NBPF9: variants seen among roughly 807,000 people sequenced by gnomAD.
NBPF9 encodes the protein NBPF member 9.
Under a neutral mutation model 97.8 loss-of-function variants are expected in NBPF9, and 91 were observed. The observed-to-expected ratio is 0.93, with a 90% CI of 0.79 to 1.11. The LOEUF (loss-of-function observed/expected upper bound fraction) is 1.11, where lower values mean the gene tolerates loss of function less well. Ranked by LOEUF, NBPF9 falls within the 50% of genes least tolerant of loss-of-function variation. The probability of loss-of-function intolerance (pLI) is 0.00; values close to 1 mark genes in which losing one functional copy is unlikely to be tolerated. For missense variants in NBPF9, 992 were observed against 939.5 expected, an observed-to-expected ratio of 1.06 and a Z score of -0.73; for synonymous variants, 334 against 359.5, an observed-to-expected ratio of 0.93 and a Z score of 0.80.
At chr1:149,077,684 T>C (rs1439121714) in intron 10 of NBPF9, among the ~76,000 whole-genome samples, 199 bp downstream of exon 10, 3 of 152,100 alleles carry the variant, frequency 2.0e-5, no homozygotes, top group East Asian at 1.9e-4. Flanking sequence ...GCTATCCCTG[T>C]ATGGTACAGA....
chr1:149,087,781 T>G, intron 5 of NBPF9, among the ~76,000 whole-genome samples: 1 of 151,464 alleles, frequency 6.6e-6, no homozygotes, highest in African/African-American at 2.4e-5. Context: ...AAAGCAATTT[T>G]TTGTAGTTTT....
chr1:149,060,401 C>A, intron 24 of NBPF9, 122 bp downstream of exon 24: 1 of 402,874 alleles, frequency 2.5e-6, no homozygotes, highest in Non-Finnish European at 4.5e-6. Context: ...CCTACATGTG[C>A]CTATAGGTCC....
chr1:149,060,938 C>T lies in NBPF9; in HGVS notation c.2304-243G>A, dbSNP rs1223650867. On this transcript the variant is annotated intron_variant, in intron 23 of 29. Transcript: ENST00000584027. ...ACACACACACACAAACACACACACA[C>T]AGAGAACGAGCTCAGTGAATTGTCC... 1.1e-4 allele frequency: 44 copies of T among 412,368 alleles called. 12 individuals are homozygous for T. The highest frequency in any genetic ancestry group is 1.8e-4 in the Non-Finnish European group (41 of 234,214). 25.5% of individuals were successfully genotyped at this position (412,368 alleles called of 1,614,324 possible).
At position 149,081,997 on chromosome 1, in the gene NBPF9, G is replaced by T. The variant is rs782294304; in HGVS notation, c.143C>A (p.Ala48Asp). The change falls in exon 7 of 30, where the codon GCC becomes GAC. Residue 48 changes from alanine to aspartate, a missense_variant. Coordinates refer to ENST00000584027, the Ensembl canonical transcript of NBPF9. Reference sequence around the variant, plus strand: ...CTTCTGTCGGTTGGCCAGGAAGCCGGCCAGTTGAGTTAGAAAACATCTCTC... The same window carrying T: ...CTTCTGTCGGTTGGCCAGGAAGCCGTCCAGTTGAGTTAGAAAACATCTCTC... The T allele has an allele frequency of 4.4e-6, 7 of 1,605,786 alleles. No homozygotes were observed. The Admixed American group carries it at 1.0e-4, about 23-fold the overall frequency.
In NBPF9 at chr1:149,062,091, A is replaced by G; in HGVS notation, c.2251+2T>C. ...TTATCACCTTCATAGTAAGGTACTC[A>G]CTGTCCAAGTCAAGAGCCAAGCCAA... On this transcript the variant is annotated splice_donor_variant, in intron 22 of 29. Coordinates refer to ENST00000584027, the Ensembl canonical transcript of NBPF9. LOFTEE classifies it high-confidence loss of function. 1 of 1,134,150 alleles carries G rather than the reference A, an allele frequency of 8.8e-7. No homozygotes were observed. The highest frequency in any genetic ancestry group is 1.3e-6 in the Non-Finnish European group (1 of 759,860). 70.3% of individuals were successfully genotyped at this position (1,134,150 alleles called of 1,614,324 possible).
intron 9 of NBPF9, 142 bp downstream of exon 9, chr1:149,078,865 C>A: frequency 1.4e-6 from 2 of 1,459,308 alleles, no homozygotes; most frequent in Non-Finnish European, 1.9e-6. Context: ...TGTTCTTACC[C>A]AGGAAGTCCT....
intron 19 of NBPF9, among the ~76,000 whole-genome samples, 199 bp from the exon 20 acceptor site, chr1:149,064,004 AC>A (rs2078837533): frequency 9.1e-6 from 1 of 110,338 alleles, no homozygotes; most frequent in African/African-American, 4.0e-5. Context: ...ACACACACAC[AC>A]ACACAGACAC....
exon 1 of NBPF9, chr1:149,103,333 C>G (rs1359078154): frequency 1.3e-5 from 2 of 152,034 alleles, no homozygotes; most frequent in African/African-American, 4.8e-5. Context: ...CGCTGTAAAC[C>G]GTAACTTCCC....
At chr1:149,052,710 C>A (rs1277945051), downstream of NBPF9, among the ~76,000 whole-genome samples, 175 of 149,170 alleles carry the variant, frequency 1.2e-3, no homozygotes, top group African/African-American at 3.9e-3. Flanking sequence ...CAAGTTCAGC[C>A]ATGAGATTGG....
chr1:149,059,484 T>A, intron 25 of NBPF9: 1 of 397,778 alleles, frequency 2.5e-6, no homozygotes, highest in East Asian at 3.8e-5. Context: ...AAAGTACAGC[T>A]TTTGAAGTAT....
intron 8 of NBPF9, 109 bp from the exon 9 acceptor site, chr1:149,079,330 G>C: frequency 8.5e-7 from 1 of 1,183,024 alleles, no homozygotes; most frequent in Non-Finnish European, 1.3e-6. Flanking sequence ...CCTTGAAACA[G>C]AAGGTCAGCA....
At chr1:149,098,049 G>A (rs587605888) in intron 4 of NBPF9, among the ~76,000 whole-genome samples, 1 of 151,956 alleles carries the variant, frequency 6.6e-6, no homozygotes, top group South Asian at 2.1e-4. Flanking sequence ...CAGGGAGGGG[G>A]TGAGCCATGA....
chr1:149,088,820 G>C lies in NBPF9; in HGVS notation c.-195+1933C>G, dbSNP rs1375612277. On this transcript the variant is annotated intron_variant, in intron 5 of 29. Transcript: ENST00000584027. ...GATCACACTTGTGGCAGCATTGAAG[G>C]CTTCACTCTTCCCCAAGGGATCCAA... Among the ~76,000 whole-genome samples the C allele has an allele frequency of 2.0e-5, 3 of 152,032 alleles. No individual in the cohort carries two copies. The East Asian group carries it at 5.8e-4, about 29-fold the overall frequency.
In NBPF9 at chr1:149,055,910, A is replaced by G. The variant is rs782375825; in HGVS notation, c.3093-11T>C. The G allele has an allele frequency of 1.2e-6, 2 of 1,611,824 alleles. No homozygotes were observed. The highest frequency in any genetic ancestry group is 2.2e-5 in the East Asian group (1 of 44,796). On this transcript the variant is annotated splice_polypyrimidine_tract_variant and intron_variant, in intron 29 of 29. Transcript: ENST00000584027. ...AGCACGCCGTTGAGCCTGGAAAAGG[A>G]GACAAAACTAAAGAAGCAGCCAGGG...
At chr1:149,085,604 TTCTCACCAATTGCTTTTA>T (rs2080928963) in intron 5 of NBPF9, among the ~76,000 whole-genome samples, 1 of 152,178 alleles carries the variant, frequency 6.6e-6, no homozygotes, top group Non-Finnish European at 1.5e-5. Flanking sequence ...TCTTTAATTT[TTCTCACCAATTGCTTTTA>T]GGGGCCTTGT....
rs1488024525 is a variant in NBPF9, at chr1:149,064,426, C to G, written c.1853+5G>C. 9.7e-5 allele frequency: 104 copies of G among 1,067,662 alleles called. No homozygotes were observed. Among genetic ancestry groups the G allele is most frequent in the Non-Finnish European group, 1.5e-4 (104 of 706,610 alleles). The allele number at this position is 1,067,662 out of a possible 1,614,324, so 66.1% of individuals were successfully genotyped here. On this transcript the variant is annotated splice_donor_5th_base_variant and intron_variant, in intron 19 of 29. Transcript: ENST00000584027. ...AATTAACTGTCCACAATTTCTCAGA[C>G]TCACCTGGGACCTGTTGCCTCTTGG...
At chr1:149,063,985 A>T (rs2078832141) in intron 19 of NBPF9, among the ~76,000 whole-genome samples, 180 bp from the exon 20 acceptor site, 1 of 99,216 alleles carries the variant, frequency 1.0e-5, no homozygotes, top group Non-Finnish European at 2.1e-5. Flanking sequence ...AAAAGGATGA[A>T]AGAGAAAGAC....
intron 5 of NBPF9, among the ~76,000 whole-genome samples, chr1:149,084,167 G>T (rs1442862065): frequency 1.5e-4 from 22 of 148,682 alleles, no homozygotes; most frequent in African/African-American, 4.9e-4. Flanking sequence ...TGAGGGCTGG[G>T]GGAGGGATAG....
rs1414322293 is a variant in NBPF9 at position 149,103,296 on chromosome 1, T to C, written c.-843+5A>G. On this transcript the variant is annotated splice_donor_5th_base_variant and intron_variant, in intron 1 of 29. Coordinates refer to ENST00000584027, the Ensembl canonical transcript of NBPF9. ...CGCCCGCCCGGCCTGGCGCGGCGCC[T>C]TCACCTCGGAAACGCTGGGTGGACT... 6.6e-6 allele frequency: 1 copy of C among 150,680 alleles called. No individual in the cohort carries two copies. The highest frequency in any genetic ancestry group is 2.4e-5 in the African/African-American group (1 of 40,878). 9.3% of individuals were successfully genotyped at this position (150,680 alleles called of 1,614,324 possible). A position where few individuals can be genotyped will look rare whatever the true frequency, so the allele number is the denominator to read the frequency against.
Sources: gnomAD v4.1 joint callset for allele counts (sites outside exome capture counted in the v4.1 genomes callset) on GRCh38, gnomAD v4.1.1 for gene constraint, MANE v1.5 for transcripts, NCBI Gene and HGNC (gene_info 2026-07-23, HGNC 2026-07-21) for gene names.